The following PGPEP1L variants were observed in gnomAD, a reference collection of about 807,000 sequenced individuals.
The protein encoded by PGPEP1L is pyroglutamyl-peptidase 1-like protein.
A neutral mutation model predicts 6.0 loss-of-function variants in PGPEP1L; 7 were observed. That is an observed-to-expected ratio of 1.17 (90% confidence interval 0.66 to 2.19). PGPEP1L has a LOEUF of 2.19. Ranked by LOEUF, PGPEP1L falls within the 30% of genes most tolerant of loss-of-function variation. The probability of loss-of-function intolerance (pLI) is 0.00; values close to 1 mark genes in which losing one functional copy is unlikely to be tolerated. For synonymous variants in PGPEP1L, 103 were observed against 83.9 expected (o/e 1.23, Z -1.24); for missense variants, 209 against 192.5 (o/e 1.09, Z -0.51).
intron 2 of PGPEP1L, among the ~76,000 whole-genome samples, chr15:98,999,062 A>G (rs1166385193): frequency 1.3e-5 from 2 of 152,236 alleles, no homozygotes; most frequent in South Asian, 2.1e-4. Context: ...ATTTGAAACC[A>G]AAAGCAGGCT....
At chr15:98,978,933 T>G (rs2017613815) in intron 2 of PGPEP1L, among the ~76,000 whole-genome samples, 2 of 151,870 alleles carry the variant, frequency 1.3e-5, no homozygotes, top group Admixed American at 1.3e-4. Flanking sequence ...TTTTACCATG[T>G]TGGCCAGGAT....
intron 2 of PGPEP1L, among the ~76,000 whole-genome samples, chr15:98,973,838 A>C (rs138745615): frequency 7.9e-5 from 12 of 152,332 alleles, no homozygotes; most frequent in Admixed American, 1.3e-4. Flanking sequence ...AGAAGGAAAG[A>C]AATAATAAAG....
At chr15:98,974,762 G>A (rs1283687640) in intron 2 of PGPEP1L, among the ~76,000 whole-genome samples, 1 of 152,154 alleles carries the variant, frequency 6.6e-6, no homozygotes, top group Non-Finnish European at 1.5e-5. Flanking sequence ...CTGGCGTCAT[G>A]GCACACATCT....
At chr15:98,993,209 T>C (rs1051829305) in intron 2 of PGPEP1L, among the ~76,000 whole-genome samples, 8 of 152,196 alleles carry the variant, frequency 5.3e-5, no homozygotes, top group African/African-American at 1.9e-4. Context: ...TCTACCCACC[T>C]GACAAAGGGC....
chr15:98,999,105 G>GT (rs2017925628), intron 2 of PGPEP1L, among the ~76,000 whole-genome samples: 1 of 152,146 alleles, frequency 6.6e-6, no homozygotes, highest in African/African-American at 2.4e-5. Context: ...ACTAGATTCC[G>GT]TCAAAATTAA....
chr15:99,005,816 C>T (rs1313206728), intron 1 of PGPEP1L, among the ~76,000 whole-genome samples, 160 bp from the exon 2 acceptor site: 6 of 152,166 alleles, frequency 3.9e-5, no homozygotes, highest in Admixed American at 2.0e-4. Context: ...TACCAGCTGT[C>T]CCGGTTTGCC....
intron 2 of PGPEP1L, among the ~76,000 whole-genome samples, chr15:98,977,001 GGCAA>G: frequency 2.3e-5 from 1 of 43,082 alleles, no homozygotes. Context: ...CAAGTAAAAT[GGCAA>G]AAAAAAAAAA....
chr15:98,983,809 ATCTG>A (rs546235672), intron 2 of PGPEP1L, among the ~76,000 whole-genome samples: 197 of 152,266 alleles, frequency 1.3e-3, no homozygotes, highest in African/African-American at 3.8e-3. Flanking sequence ...ATGTATAATA[ATCTG>A]TCTGTATTTT....
chr15:98,971,074 G>A lies in PGPEP1L; in HGVS notation c.-57C>T, dbSNP rs765839195. ...TCTTCCCAGATTCCGGTGACCCTCC[G>A]CTTAGCCTCCCTGTAATCTACAGGC... On this transcript the variant is annotated 5_prime_UTR_variant, in exon 3 of 5. Transcript: ENST00000535714. 23 of 1,613,438 alleles carry A rather than the reference G, an allele frequency of 1.4e-5. No individual in the cohort carries two copies. The African/African-American group carries it at 1.5e-4, about 10-fold the overall frequency.
At chr15:98,986,787 G>C (rs1236530637) in intron 2 of PGPEP1L, among the ~76,000 whole-genome samples, 3 of 152,156 alleles carry the variant, frequency 2.0e-5, no homozygotes, top group African/African-American at 7.2e-5. Flanking sequence ...AGTACACCCA[G>C]TTGGGGTGGA....
chr15:98,973,113 CAGA>C (rs2017522944), intron 2 of PGPEP1L, among the ~76,000 whole-genome samples: 1 of 151,976 alleles, frequency 6.6e-6, no homozygotes, highest in African/African-American at 2.4e-5. Context: ...AAAAAGGACA[CAGA>C]AGAACATCAT....
intron 2 of PGPEP1L, among the ~76,000 whole-genome samples, chr15:98,993,080 G>A (rs1205294773): frequency 2.6e-5 from 4 of 152,034 alleles, no homozygotes; most frequent in Non-Finnish European, 5.9e-5. Flanking sequence ...CAAAAGCAAT[G>A]GCAACAAAAG....
At chr15:98,993,211 A>T (rs2017841748) in intron 2 of PGPEP1L, among the ~76,000 whole-genome samples, 1 of 152,230 alleles carries the variant, frequency 6.6e-6, no homozygotes. Context: ...TACCCACCTG[A>T]CAAAGGGCTA....
At chr15:98,982,669 T>TC (rs147708375) in intron 2 of PGPEP1L, among the ~76,000 whole-genome samples, 3,622 of 148,870 alleles carry the variant, frequency 0.024, 184 homozygotes, top group African/African-American at 0.082. Context: ...AGGTCTCCCT[T>TC]CCTCCTCACT....
chr15:98,997,936 G>A (rs1250487929), intron 2 of PGPEP1L, among the ~76,000 whole-genome samples: 1 of 152,150 alleles, frequency 6.6e-6, no homozygotes, highest in Non-Finnish European at 1.5e-5. Context: ...AGGCAGACAA[G>A]TCACAACCCA....
chr15:99,007,073 G>C (rs1555473759), intron 1 of PGPEP1L, among the ~76,000 whole-genome samples: 1 of 152,166 alleles, frequency 6.6e-6, no homozygotes, highest in Non-Finnish European at 1.5e-5. Context: ...CCCCCTTGGT[G>C]GCTTTCTGGG....
At chr15:98,979,633 C>CTTTTTTTTTTTTTTTTTTTTTTTTTTTTT (rs568793204) in intron 2 of PGPEP1L, among the ~76,000 whole-genome samples, 1 of 46,468 alleles carries the variant, frequency 2.2e-5, no homozygotes, top group Non-Finnish European at 4.7e-5. Context: ...GGAGACTATT[C>CTTTTTTTTTTTTTTTTTTTTTTTTTTTTT]TTTTTTTTTT....
Position 98,968,488 on chromosome 15 carries a change from T to G in PGPEP1L, c.419A>C (p.Lys140Thr). Reference protein sequence around the residue: ...EENSTMVLPAKGN With the variant: ...EENSTMVLPATGN ...GGAGCAATCCCCCGGTCAGTTCCCT[T>G]TGGCTGGAAGGACCATGGTTGAGTT... is the stretch of plus-strand genomic sequence containing the variant. Residue 140 changes from lysine (K) to threonine (T), a missense_variant, in exon 5 of 5, where the codon AAA (lysine) becomes ACA (threonine). By Grantham distance (78) the Lys-to-Thr change is moderately conservative. Coordinates refer to ENST00000535714, the MANE Select transcript of PGPEP1L (RefSeq NM_001167902.2). 2 of 1,613,228 alleles carry G rather than the reference T, an allele frequency of 1.2e-6. No individual in the cohort carries two copies. The highest frequency in any genetic ancestry group is 1.7e-6 in the Non-Finnish European group (2 of 1,179,616).
rs2017470355 is a variant in PGPEP1L at position 98,969,958 on chromosome 15, G to A, written c.-18-307C>T. 3.3e-5 allele frequency among the ~76,000 whole-genome samples: 5 copies of A among 152,296 alleles called. No homozygotes were observed. The South Asian group carries it at 1.0e-3, about 32-fold the overall frequency. Reference sequence around the variant, plus strand: ...TTTGTGGGGGGAGGGTTGGAGGGAGGAGAGGCAAGCTAGTAAGTGGTGAGG... The same window carrying A: ...TTTGTGGGGGGAGGGTTGGAGGGAGAAGAGGCAAGCTAGTAAGTGGTGAGG... On this transcript the variant is annotated intron_variant, in intron 3 of 4. Transcript: ENST00000535714.
Sources: allele counts gnomAD v4.1 joint callset (sites outside exome capture counted in the v4.1 genomes callset), GRCh38; gene constraint gnomAD v4.1.1; transcripts MANE v1.5; gene names NCBI Gene and HGNC (gene_info 2026-07-23, HGNC 2026-07-21).